The following FER1L6 variants were observed in gnomAD, a reference collection of about 807,000 sequenced individuals.
The protein encoded by FER1L6 is fer-1 like family member 6.
FER1L6 carries 177 observed loss-of-function variants against 219.2 expected under a neutral mutation model. The ratio of observed to expected loss-of-function variants is 0.81; its 90% CI spans 0.71 to 0.91. The LOEUF is 0.91. Among genes scored for constraint, FER1L6 ranks in the 40% least tolerant of loss-of-function variants. The pLI, the probability that FER1L6 is intolerant of heterozygous loss-of-function variation, is 0.00. For missense variants in FER1L6, 2,153 were observed against 2,259.9 expected, an observed-to-expected ratio of 0.95 and a Z score of 0.96; for synonymous variants, 768 against 824.3, an observed-to-expected ratio of 0.93 and a Z score of 1.17.
intron 22 of FER1L6, among the ~76,000 whole-genome samples, chr8:124,055,416 A>G (rs920824503): frequency 6.6e-6 from 1 of 152,148 alleles, no homozygotes; most frequent in Admixed American, 6.5e-5. Context: ...ATGAACAAAC[A>G]TTCATGGAAT....
intron 1 of FER1L6, among the ~76,000 whole-genome samples, chr8:123,873,719 C>A (rs1816961552): frequency 6.6e-6 from 1 of 152,152 alleles, no homozygotes; most frequent in Admixed American, 6.6e-5. Flanking sequence ...TGCCTGGTGG[C>A]TTCCCTGTCT....
intron 1 of FER1L6, among the ~76,000 whole-genome samples, chr8:123,924,272 C>T (rs1411695120): frequency 2.9e-5 from 4 of 140,024 alleles, no homozygotes; most frequent in Admixed American, 7.3e-5. Context: ...TGGCTGGGTG[C>T]GGTGGCTCAC....
intron 39 of FER1L6, among the ~76,000 whole-genome samples, chr8:124,107,607 TCCTTG>T (rs1822834789): frequency 6.6e-6 from 1 of 152,208 alleles, no homozygotes; most frequent in Non-Finnish European, 1.5e-5. Context: ...CTCCATGCTG[TCCTTG>T]CCTTGCCAGA....
intron 1 of FER1L6, among the ~76,000 whole-genome samples, chr8:123,884,442 G>A (rs1030483653): frequency 6.6e-6 from 1 of 152,178 alleles, no homozygotes; most frequent in Non-Finnish European, 1.5e-5. Context: ...GGCTGGGGAG[G>A]TGCCTGGGGA....
At chr8:124,108,781 G>C (rs1462854013) in intron 39 of FER1L6, among the ~76,000 whole-genome samples, 1 of 152,078 alleles carries the variant, frequency 6.6e-6, no homozygotes, top group East Asian at 1.9e-4. Context: ...AGGAGGCTGA[G>C]GAAATAGGAT....
intron 1 of FER1L6, among the ~76,000 whole-genome samples, chr8:123,929,601 C>G (rs1586477647): frequency 6.6e-6 from 1 of 152,042 alleles, no homozygotes; most frequent in Non-Finnish European, 1.5e-5. Flanking sequence ...GGTGGTCTTT[C>G]TGTTGCCCTC....
At chr8:123,947,104 T>C (rs139286072) in intron 1 of FER1L6, among the ~76,000 whole-genome samples, 6 of 151,958 alleles carry the variant, frequency 3.9e-5, no homozygotes, top group African/African-American at 4.8e-5. Flanking sequence ...GGCTAACATA[T>C]TGAAACCCCG....
intron 12 of FER1L6, among the ~76,000 whole-genome samples, chr8:123,995,005 C>A (rs1817061284): frequency 6.6e-6 from 1 of 152,210 alleles, no homozygotes; most frequent in Non-Finnish European, 1.5e-5. Context: ...GAGTGTATAT[C>A]CCAGAGGCAA....
rs181309163 is a variant in FER1L6, at chr8:124,008,824, A to G, written c.1701-1770A>G. On this transcript the variant is annotated intron_variant, in intron 13 of 40. Transcript: ENST00000522917. ...AAGTGGGCTAAGGACATGAATAGAC[A>G]GTTCTCAAAAGAAGACACACAAATG... 6.2e-3 allele frequency among the ~76,000 whole-genome samples: 942 copies of G among 152,342 alleles called. 5 individuals carry two copies. Among genetic ancestry groups the G allele is most frequent in the South Asian group, 0.019 (92 of 4,830 alleles).
chr8:124,099,362 G>A (rs1586337793), intron 37 of FER1L6, among the ~76,000 whole-genome samples: 1 of 151,964 alleles, frequency 6.6e-6, no homozygotes, highest in Non-Finnish European at 1.5e-5. Context: ...CTTCTCTACG[G>A]TTTCTTATCT....
rs919866385 is a variant in FER1L6 at position 124,063,760 on chromosome 8, C to T, written c.3329-587C>T. On this transcript the variant is annotated intron_variant, in intron 25 of 40. Transcript: ENST00000522917. ...GAGTCTGTGGCAGCCATGGGGGTAC[C>T]GAACTGGGAAATGTTCCTGAGTGCT... Among the ~76,000 whole-genome samples, 15 of 152,206 alleles carry T rather than the reference C, an allele frequency of 9.9e-5. 1 individual carries two copies. The highest frequency in any genetic ancestry group is 8.5e-4 in the Admixed American group (13 of 15,284).
intron 1 of FER1L6, among the ~76,000 whole-genome samples, chr8:123,922,857 G>A (rs939795044): frequency 1.3e-5 from 2 of 152,148 alleles, no homozygotes; most frequent in Non-Finnish European, 2.9e-5. Flanking sequence ...CTAGTAAGCG[G>A]TGGAGCCATG....
chr8:123,919,903 A>T (rs1813308908), intron 1 of FER1L6, among the ~76,000 whole-genome samples: 1 of 152,176 alleles, frequency 6.6e-6, no homozygotes, highest in African/African-American at 2.4e-5. Context: ...AAGGGGGAGC[A>T]GGTGGCCAAG....
chr8:124,010,766 A>G (rs775733825), intron 14 of FER1L6, 52 bp downstream of exon 14: 5 of 1,599,704 alleles, frequency 3.1e-6, no homozygotes, highest in Middle Eastern at 2.2e-4. Flanking sequence ...CTGGTGGGGG[A>G]AGGGATTTTT....
At chr8:124,011,110 T>C (rs1311751028) in intron 14 of FER1L6, among the ~76,000 whole-genome samples, 1 of 152,112 alleles carries the variant, frequency 6.6e-6, no homozygotes, top group Non-Finnish European at 1.5e-5. Flanking sequence ...CTGCCTAACC[T>C]ATAGCCCCAT....
At position 123,886,922 on chromosome 8, in the gene FER1L6, G is replaced by T. The variant is rs553183494; in HGVS notation, c.-8+34737G>T. Among the ~76,000 whole-genome samples, 12 of 152,226 alleles carry T rather than the reference G, an allele frequency of 7.9e-5. No homozygotes were observed. The South Asian group carries it at 2.3e-3, about 29-fold the overall frequency. On this transcript the variant is annotated intron_variant, in intron 1 of 40. Transcript: ENST00000522917. ...TCGAAACTGACCCAATAGTCCCATA[G>T]ACAGTTTTTTTTAAAATAAATATAG...
intron 2 of FER1L6, among the ~76,000 whole-genome samples, chr8:123,958,832 G>A (rs959811650): frequency 3.8e-4 from 58 of 151,728 alleles, no homozygotes; most frequent in African/African-American, 1.4e-3. Flanking sequence ...CCCACTGGGC[G>A]ATGGGCAGGG....
intron 22 of FER1L6, among the ~76,000 whole-genome samples, chr8:124,059,857 T>C (rs1233783680): frequency 2.0e-5 from 3 of 152,292 alleles, no homozygotes; most frequent in Non-Finnish European, 4.4e-5. Context: ...TACCCTGCTG[T>C]GGTTCTTGTG....
chr8:124,027,063 C>G (rs980408021), intron 18 of FER1L6, among the ~76,000 whole-genome samples: 1 of 152,168 alleles, frequency 6.6e-6, no homozygotes, highest in African/African-American at 2.4e-5. Flanking sequence ...TCCTCTGTGT[C>G]TGTCCCTTCA....
Sources: allele counts gnomAD v4.1 joint callset (sites outside exome capture counted in the v4.1 genomes callset), GRCh38; gene constraint gnomAD v4.1.1; transcripts MANE v1.5; gene names NCBI Gene and HGNC (gene_info 2026-07-23, HGNC 2026-07-21).